The following PTPRN2 variants were observed in gnomAD, a reference collection of about 807,000 sequenced individuals.
The protein encoded by PTPRN2 is protein tyrosine phosphatase receptor type N2, also known as receptor-type tyrosine-protein phosphatase N2.
In PTPRN2, 74 loss-of-function variants were observed where a neutral mutation model predicts 118.8. The ratio of observed to expected loss-of-function variants is 0.62; its 90% CI spans 0.52 to 0.76. The LOEUF (loss-of-function observed/expected upper bound fraction) is 0.76. Ranked by LOEUF, PTPRN2 falls within the 30% of genes least tolerant of loss-of-function variation. The probability of loss-of-function intolerance (pLI) is 0.00; values close to 1 mark genes in which losing one functional copy is unlikely to be tolerated. For missense variants in PTPRN2, 1,481 were observed against 1,394.4 expected (o/e 1.06, Z -0.99); for synonymous variants, 641 against 608.0 (o/e 1.05, Z -0.80).
At chr7:158,471,879 T>C (rs1383916295) in intron 2 of PTPRN2, among the ~76,000 whole-genome samples, 1 of 152,244 alleles carries the variant, frequency 6.6e-6, no homozygotes, top group Non-Finnish European at 1.5e-5. Context: ...TGCGTGTCTG[T>C]TGCCCGTTCT....
intron 11 of PTPRN2, among the ~76,000 whole-genome samples, chr7:157,923,953 G>A (rs74796705): frequency 5.9e-5 from 9 of 152,330 alleles, no homozygotes; most frequent in Non-Finnish European, 1.2e-4. Context: ...TGGCTTTGGT[G>A]TGCTGTTTGG....
In PTPRN2 at chr7:157,991,506, C is replaced by T. The variant is rs138231950; in HGVS notation, c.1723+89792G>A. ...GAAACTCACAGAGCCCTGGTGGCAC[C>T]GGGTGCTGCCCGTGCAGGGCACAGA... is the stretch of plus-strand genomic sequence containing the variant. On this transcript the variant is annotated intron_variant, in intron 11 of 22. Coordinates refer to ENST00000389418, the MANE Select transcript of PTPRN2 (RefSeq NM_002847.5). 4.1e-3 allele frequency among the ~76,000 whole-genome samples: 620 copies of T among 152,330 alleles called. 6 individuals are homozygous for T. The highest frequency in any genetic ancestry group is 0.014 in the African/African-American group (585 of 41,580).
rs75925691 is a variant in PTPRN2 at position 158,223,679 on chromosome 7, C to T, written c.278-18406G>A. On this transcript the variant is annotated intron_variant, in intron 3 of 22. Transcript: ENST00000389418. ...GGCACTTTATCAAGCTAACAATAAA[C>T]ATCTACAAAACCCCACATTTCACTG... Among the ~76,000 whole-genome samples, 913 of 152,226 alleles carry T rather than the reference C, an allele frequency of 6.0e-3. 33 individuals are homozygous for T. The East Asian group carries it at 0.1, about 17-fold the overall frequency.
intron 1 of PTPRN2, among the ~76,000 whole-genome samples, chr7:158,508,545 A>G (rs549689891): frequency 6.6e-6 from 1 of 152,266 alleles, no homozygotes; most frequent in East Asian, 1.9e-4. Context: ...TGGTGAAGGC[A>G]GCCTGTGGGG....
chr7:157,812,293 T>C (rs2151119514), intron 12 of PTPRN2, among the ~76,000 whole-genome samples: 1 of 152,236 alleles, frequency 6.6e-6, no homozygotes, highest in South Asian at 2.1e-4. Context: ...GGGAAGGGGC[T>C]TTGTGGGAGG....
chr7:158,533,247 C>G (rs146012016), intron 1 of PTPRN2, among the ~76,000 whole-genome samples: 4 of 152,156 alleles, frequency 2.6e-5, no homozygotes, highest in Non-Finnish European at 4.4e-5. Flanking sequence ...AGTGCACCCT[C>G]GCTCACAGGG....
intron 10 of PTPRN2, among the ~76,000 whole-genome samples, chr7:158,085,609 C>A: frequency 8.8e-6 from 1 of 113,350 alleles, no homozygotes; most frequent in East Asian, 3.2e-4. Flanking sequence ...TCCACACCCA[C>A]GACGCCCATC....
At position 157,610,929 on chromosome 7, in the gene PTPRN2, G is replaced by A. The variant is rs1430384840; in HGVS notation, c.2345-6854C>T. Among the ~76,000 whole-genome samples, 1 of 152,196 alleles carries A rather than the reference G, an allele frequency of 6.6e-6. No homozygotes were observed. The highest frequency in any genetic ancestry group is 2.4e-5 in the African/African-American group (1 of 41,438). On this transcript the variant is annotated intron_variant, in intron 15 of 22. Transcript: ENST00000389418. The surrounding 1 kb of genome is among the most constrained non-coding windows in gnomAD (Gnocchi z 5.1). ...CAGCTGAGTGTCATTCAGGGCCTCC[G>A]CAGCTCAGCATACAATGCTGCATCT... is the stretch of plus-strand genomic sequence containing the variant.
Position 158,021,381 on chromosome 7 carries a change from T to C in PTPRN2, c.1723+59917A>G, listed in dbSNP as rs75578237. Among the ~76,000 whole-genome samples the C allele has an allele frequency of 2.0e-5, 3 of 152,322 alleles. No homozygotes were observed. The East Asian group carries it at 5.8e-4, about 29-fold the overall frequency. ...ATGACCAATGCATATAATGCTTTTC[T>C]AATTCAGGACAAGACCATGAGAAAC... On this transcript the variant is annotated intron_variant, in intron 11 of 22. Coordinates refer to ENST00000389418, the MANE Select transcript of PTPRN2 (RefSeq NM_002847.5).
chr7:157,751,549 C>T (rs1048348570), intron 12 of PTPRN2, among the ~76,000 whole-genome samples: 15 of 152,012 alleles, frequency 9.9e-5, no homozygotes, highest in African/African-American at 3.1e-4. Context: ...CTGTCCTCGG[C>T]GTGGGAGGGT....
intron 3 of PTPRN2, among the ~76,000 whole-genome samples, chr7:158,239,209 A>G (rs1277362202): frequency 6.6e-6 from 1 of 152,088 alleles, no homozygotes; most frequent in African/African-American, 2.4e-5. Context: ...TGGTGCAGAA[A>G]CCTCAGGAGG....
At chr7:157,746,400 A>G (rs1800941522) in intron 12 of PTPRN2, among the ~76,000 whole-genome samples, 1 of 144,988 alleles carries the variant, frequency 6.9e-6, no homozygotes, top group Non-Finnish European at 1.5e-5. Flanking sequence ...GACTCCCCGC[A>G]CCCCACAGTC....
At chr7:158,045,209 G>A (rs62480162) in intron 11 of PTPRN2, among the ~76,000 whole-genome samples, 20,523 of 152,246 alleles carry the variant, frequency 0.13, 1,821 homozygotes, top group Non-Finnish European at 0.2. Context: ...CAGCAGTCAT[G>A]TGGCGCACAG....
At position 158,011,201 on chromosome 7, in the gene PTPRN2, G is replaced by C. The variant is rs531894336; in HGVS notation, c.1723+70097C>G. 2.0e-5 allele frequency among the ~76,000 whole-genome samples: 3 copies of C among 152,246 alleles called. 1 individual carries two copies. The South Asian group carries it at 6.2e-4, about 32-fold the overall frequency. On this transcript the variant is annotated intron_variant, in intron 11 of 22. Coordinates refer to ENST00000389418, the MANE Select transcript of PTPRN2 (RefSeq NM_002847.5). ...TACGTCATTGCTAAAGACATCAGAT[G>C]TGCCTGTTTGATGCTGTGAAAGTTT...
At chr7:157,909,476 A>G (rs548781927) in intron 11 of PTPRN2, among the ~76,000 whole-genome samples, 4 of 152,378 alleles carry the variant, frequency 2.6e-5, no homozygotes, top group Admixed American at 6.5e-5. Context: ...TGAGGTCTAC[A>G]GTCCAGGCCA....
chr7:157,947,878 A>G (rs1388925109), intron 11 of PTPRN2, among the ~76,000 whole-genome samples: 1 of 152,240 alleles, frequency 6.6e-6, no homozygotes, highest in African/African-American at 2.4e-5. Context: ...GAAACCATGG[A>G]GGCCTGAAGG....
intron 15 of PTPRN2, among the ~76,000 whole-genome samples, chr7:157,612,980 G>A (rs1411071389): frequency 6.6e-6 from 1 of 152,142 alleles, no homozygotes; most frequent in Non-Finnish European, 1.5e-5. Context: ...CAGCAGCTCC[G>A]GAGGGTTGAT....
chr7:158,143,032 G>A (rs1819532866), intron 6 of PTPRN2, among the ~76,000 whole-genome samples: 1 of 152,128 alleles, frequency 6.6e-6, no homozygotes, highest in South Asian at 2.1e-4. Context: ...CGAGCCACGA[G>A]CCCAGAGCAA....
chr7:158,006,451 TCCTGAGCCTCACAAGCTTGCTGGA>T (rs1163601946), intron 11 of PTPRN2, among the ~76,000 whole-genome samples: 22 of 152,290 alleles, frequency 1.4e-4, no homozygotes, highest in Non-Finnish European at 2.4e-4. Context: ...CCTCCTGCCA[TCCTGAGCCTCACAAGCTTGCTGGA>T]CACCTGCGGT....
Sources: allele counts gnomAD v4.1 joint callset (sites outside exome capture counted in the v4.1 genomes callset), GRCh38; gene constraint gnomAD v4.1.1; non-coding constraint Gnocchi (gnomAD v3.1); transcripts MANE v1.5; gene names NCBI Gene and HGNC (gene_info 2026-07-23, HGNC 2026-07-21).